Variants in ESRRG observed in about 807,000 individuals in gnomAD.
ESRRG encodes estrogen related receptor gamma, also known as estrogen-related receptor gamma.
In ESRRG, 13 loss-of-function variants were observed where a neutral mutation model predicts 44.0. The observed-to-expected ratio is 0.30, with a 90% CI of 0.19 to 0.47. The LOEUF is 0.47. ESRRG is among the 20% of genes least tolerant of loss of function. The pLI is 1.00. For missense variants in ESRRG, 395 were observed against 580.6 expected, an observed-to-expected ratio of 0.68 and a Z score of 3.29; for synonymous variants, 215 against 214.6, an observed-to-expected ratio of 1.00 and a Z score of -0.02.
chr1:216,669,324 A>C (rs985975769), intron 2 of ESRRG, among the ~76,000 whole-genome samples: 287 of 152,322 alleles, frequency 1.9e-3, no homozygotes, highest in African/African-American at 6.8e-3. Flanking sequence ...TTGTCTCAAG[A>C]AGTGGTTCCA....
intron 1 of ESRRG, among the ~76,000 whole-genome samples, chr1:216,702,101 T>C (rs575942544): frequency 2.0e-5 from 3 of 152,354 alleles, no homozygotes; most frequent in African/African-American, 4.8e-5. Flanking sequence ...TATCGCTAAT[T>C]AATTTTCTTC....
chr1:216,548,362 G>T lies in ESRRG; in HGVS notation c.862+15857C>A, dbSNP rs115625753. On this transcript the variant is annotated intron_variant, in intron 5 of 6. Transcript: ENST00000408911. ...TCTAAATTTGAAGCCTCTTGGCTTG[G>T]TCTATAACTAGAGTCTAACACAACT... Among the ~76,000 whole-genome samples, 674 of 152,144 alleles carry T rather than the reference G, an allele frequency of 4.4e-3. 1 individual carries two copies. The highest frequency in any genetic ancestry group is 0.015 in the African/African-American group (643 of 41,540).
At chr1:217,121,567 A>G (rs540659365) in intron 1 of ESRRG, among the ~76,000 whole-genome samples, 1 of 152,296 alleles carries the variant, frequency 6.6e-6, no homozygotes. Context: ...GGGCAGTTTC[A>G]ATAGACATTT....
chr1:216,801,972 G>A (rs1301606471), intron 2 of ESRRG, among the ~76,000 whole-genome samples: 1 of 152,104 alleles, frequency 6.6e-6, no homozygotes, highest in South Asian at 2.1e-4. Context: ...AAAAAGGAGA[G>A]ACAAAAATGA....
intron 1 of ESRRG, among the ~76,000 whole-genome samples, chr1:217,073,294 A>G (rs1467842745): frequency 4.6e-5 from 7 of 150,608 alleles, no homozygotes; most frequent in Admixed American, 2.0e-4. Context: ...GGCAAAATCC[A>G]TCTTACAGAA....
intron 1 of ESRRG, among the ~76,000 whole-genome samples, chr1:216,941,645 C>T (rs2065241368): frequency 6.6e-6 from 1 of 152,094 alleles, no homozygotes; most frequent in African/African-American, 2.4e-5. Context: ...CTATGATTTC[C>T]TCTTATTACA....
At chr1:216,806,381 G>T (rs1181664779) in intron 2 of ESRRG, among the ~76,000 whole-genome samples, 1 of 152,060 alleles carries the variant, frequency 6.6e-6, no homozygotes, top group Non-Finnish European at 1.5e-5. Context: ...CTAGAGTCAC[G>T]GTCAACAGAA....
Position 216,588,315 on chromosome 1 carries a change from G to T in ESRRG, c.590-20217C>A, listed in dbSNP as rs7518417. Among the ~76,000 whole-genome samples, 1,207 of 152,186 alleles carry T rather than the reference G, an allele frequency of 7.9e-3. 12 individuals are homozygous for T. The highest frequency in any genetic ancestry group is 0.026 in the African/African-American group (1,091 of 41,530). ...GTTCCCTTGGGCTACTGATTCTTCT[G>T]TAACCTTTTGATTTGCAAAGATCTG... On this transcript the variant is annotated intron_variant, in intron 3 of 6. Coordinates refer to ENST00000408911, the MANE Select transcript of ESRRG (RefSeq NM_001438.4).
intron 1 of ESRRG, among the ~76,000 whole-genome samples, chr1:216,713,134 C>T (rs1050604447): frequency 6.6e-6 from 1 of 152,076 alleles, no homozygotes; most frequent in African/African-American, 2.4e-5. Flanking sequence ...AATCAATTTG[C>T]TCTTGCACTA....
chr1:216,943,220 C>T (rs1216595826), intron 1 of ESRRG, among the ~76,000 whole-genome samples: 2 of 152,090 alleles, frequency 1.3e-5, no homozygotes, highest in African/African-American at 4.8e-5. Flanking sequence ...TCTTTCCTAT[C>T]CCAGAGAATA....
intron 5 of ESRRG, among the ~76,000 whole-genome samples, chr1:216,561,701 T>TA (rs1558503544): frequency 6.9e-6 from 1 of 145,856 alleles, no homozygotes; most frequent in African/African-American, 2.8e-5. Flanking sequence ...TAGGTATTAT[T>TA]AAATTTTTTT....
chr1:216,807,760 T>C (rs1289354905), intron 2 of ESRRG, among the ~76,000 whole-genome samples: 1 of 150,226 alleles, frequency 6.7e-6, no homozygotes, highest in Admixed American at 6.7e-5. Flanking sequence ...TTACAGGGAG[T>C]AGATGGGTGA....
chr1:216,589,788 C>T (rs1257194503), intron 3 of ESRRG, among the ~76,000 whole-genome samples: 1 of 150,260 alleles, frequency 6.7e-6, no homozygotes, highest in East Asian at 2.0e-4. Context: ...CCTGTACTCC[C>T]AGATACTAGA....
intron 5 of ESRRG, 140 bp downstream of exon 5, chr1:216,564,079 C>A: frequency 2.1e-6 from 1 of 482,446 alleles, no homozygotes; most frequent in East Asian, 3.3e-5. Context: ...ATATGCAAAA[C>A]TCTAAATTAT....
chr1:216,981,731 G>A (rs546035097), intron 1 of ESRRG, among the ~76,000 whole-genome samples: 27 of 151,630 alleles, frequency 1.8e-4, no homozygotes, highest in African/African-American at 5.3e-4. Context: ...GCACACATAC[G>A]CACGCACACA....
intron 2 of ESRRG, among the ~76,000 whole-genome samples, chr1:216,852,995 G>A (rs11572560): frequency 8.5e-5 from 13 of 152,268 alleles, no homozygotes; most frequent in East Asian, 7.7e-4. Context: ...TTTTATAAAA[G>A]TGCTTCTAGC....
intron 4 of ESRRG, 46 bp downstream of exon 4, chr1:216,567,942 G>A (rs761461082): frequency 5.5e-5 from 70 of 1,266,090 alleles, no homozygotes; most frequent in Non-Finnish European, 7.8e-5. Flanking sequence ...GAGCCAACTG[G>A]GAGGATTTCG....
intron 2 of ESRRG, among the ~76,000 whole-genome samples, chr1:216,851,488 C>A (rs1430243509): frequency 6.6e-6 from 1 of 151,910 alleles, no homozygotes. Context: ...GTGGAGCCCT[C>A]ATGGATGAGA....
chr1:216,734,280 C>A (rs1337999612), intron 2 of ESRRG, among the ~76,000 whole-genome samples: 3 of 152,166 alleles, frequency 2.0e-5, no homozygotes, highest in African/African-American at 4.8e-5. Context: ...AAAATGTTCA[C>A]ACTCATTGAT....
Sources: gnomAD v4.1 joint callset for allele counts (sites outside exome capture counted in the v4.1 genomes callset) on GRCh38, gnomAD v4.1.1 for gene constraint, MANE v1.5 for transcripts, NCBI Gene and HGNC (gene_info 2026-07-23, HGNC 2026-07-21) for gene names.